The following ARSG variants were observed in gnomAD, a reference collection of about 807,000 sequenced individuals.
ARSG encodes ASG.
Under a neutral mutation model 50.5 loss-of-function variants are expected in ARSG, and 37 were observed. The observed-to-expected ratio is 0.73, with a 90% CI of 0.56 to 0.96. ARSG has a LOEUF of 0.96. Among genes scored for constraint, ARSG ranks in the 50% least tolerant of loss-of-function variants. The probability of loss-of-function intolerance (pLI) is 0.00; values close to 1 mark genes in which losing one functional copy is unlikely to be tolerated. For synonymous variants in ARSG, 225 were observed against 254.6 expected (o/e 0.88, Z 1.11); for missense variants, 629 against 675.3 (o/e 0.93, Z 0.76).
At chr17:68,348,246 G>C (rs754929340) in intron 4 of ARSG, among the ~76,000 whole-genome samples, 1 of 152,174 alleles carries the variant, frequency 6.6e-6, no homozygotes, top group Non-Finnish European at 1.5e-5. Context: ...AATTACTCCA[G>C]AACTTGTTTC....
downstream of ARSG, among the ~76,000 whole-genome samples, chr17:68,425,745 G>C (rs553076024): frequency 2.0e-5 from 3 of 152,134 alleles, no homozygotes; most frequent in Non-Finnish European, 2.9e-5. Context: ...GACAAGTCAC[G>C]TGTTCCTACC....
chr17:68,407,034 G>C (rs2147294437), intron 11 of ARSG, among the ~76,000 whole-genome samples: 1 of 152,294 alleles, frequency 6.6e-6, no homozygotes, highest in East Asian at 1.9e-4. Context: ...TCCATGTTGA[G>C]TTGATTTTTG....
chr17:68,426,047 C>T (rs369622974), downstream of ARSG: 152 of 1,596,166 alleles, frequency 9.5e-5, 1 homozygote, highest in African/African-American at 8.4e-4. Context: ...CAGACTGAGC[C>T]GCCCAGTTAC....
intron 8 of ARSG, chr17:68,379,953 C>A: frequency 1.2e-6 from 1 of 813,258 alleles, no homozygotes; most frequent in Non-Finnish European, 1.5e-6. Flanking sequence ...GAGATACGTA[C>A]AACTGACCTT....
At chr17:68,347,035 A>T in intron 3 of ARSG, 90 bp from the exon 4 acceptor site, 4 of 1,577,754 alleles carry the variant, frequency 2.5e-6, no homozygotes, top group East Asian at 4.5e-5. Flanking sequence ...GGCGAAGCTA[A>T]TGGAGAGCTG....
intron 8 of ARSG, among the ~76,000 whole-genome samples, chr17:68,371,685 C>T (rs537749819): frequency 7.2e-5 from 11 of 152,142 alleles, no homozygotes; most frequent in South Asian, 4.1e-4. Flanking sequence ...CAATGACATA[C>T]GAAAAAGGAT....
intron 11 of ARSG, among the ~76,000 whole-genome samples, chr17:68,410,870 G>A (rs2081967427): frequency 6.6e-6 from 1 of 152,112 alleles, no homozygotes; most frequent in Non-Finnish European, 1.5e-5. Context: ...ATGTGTCGAG[G>A]AATTTATCCA....
At position 68,368,732 on chromosome 17, in the gene ARSG, C is replaced by G. The variant is rs2079674580; in HGVS notation, c.889C>G (p.Leu297Val). The change falls in exon 7 of 12, where the codon CTC (leucine) becomes GTC (valine). Residue 297 changes from leucine (L) to valine (V), a missense_variant. By Grantham distance (32) the Leu-to-Val change is conservative. Transcript: ENST00000621439. The part of the protein sequence containing the change: ...VDHTVKENTF[L>V]WFTGDNGPWA... ...CCACACAGTGAAGGAAAACACATTCCTCTGGTTTACAGGTAAAGTAGTAAA... is the reference window on the plus strand; with the variant it reads ...CCACACAGTGAAGGAAAACACATTCGTCTGGTTTACAGGTAAAGTAGTAAA... 6.2e-7 allele frequency: 1 copy of G among 1,613,268 alleles called. No homozygotes were observed. The highest frequency in any genetic ancestry group is 8.5e-7 in the Non-Finnish European group (1 of 1,179,782).
intron 1 of ARSG, among the ~76,000 whole-genome samples, chr17:68,279,024 A>G (rs1443128856): frequency 5.9e-5 from 9 of 152,332 alleles, no homozygotes; most frequent in African/African-American, 2.2e-4. Flanking sequence ...GGGCCTCCCA[A>G]AAAGAAAGTT....
chr17:68,361,416 G>A (rs2079278491), intron 6 of ARSG, among the ~76,000 whole-genome samples: 1 of 152,120 alleles, frequency 6.6e-6, no homozygotes. Flanking sequence ...CCAGCCTCTA[G>A]AACTGGGAGA....
intron 9 of ARSG, among the ~76,000 whole-genome samples, chr17:68,388,782 G>A (rs976952755): frequency 2.0e-5 from 3 of 151,868 alleles, no homozygotes; most frequent in Admixed American, 6.6e-5. Context: ...AAAATTAGCC[G>A]GGCGTGGTGG....
rs945500215 is a variant in ARSG at position 68,370,370 on chromosome 17, T to C, written c.902-74T>C. On this transcript the variant is annotated intron_variant, in intron 7 of 11. Coordinates refer to ENST00000621439, the MANE Select transcript of ARSG (RefSeq NM_001267727.2). ...TAGTTCCTGCTCTGCGCAAGGGATATAGGGCCAGAGTGGGAGGGTCAGCGA... is the reference window on the plus strand; with the variant it reads ...TAGTTCCTGCTCTGCGCAAGGGATACAGGGCCAGAGTGGGAGGGTCAGCGA... 9 of 1,368,566 alleles carry C rather than the reference T, an allele frequency of 6.6e-6. No individual in the cohort carries two copies. The Admixed American group carries it at 1.6e-4, about 24-fold the overall frequency. 84.8% of individuals were successfully genotyped at this position (1,368,566 alleles called of 1,614,324 possible). A position where few individuals can be genotyped will look rare whatever the true frequency, so the allele number is the denominator to read the frequency against.
At chr17:68,369,579 T>TA (rs1257759705) in intron 7 of ARSG, among the ~76,000 whole-genome samples, 2 of 152,080 alleles carry the variant, frequency 1.3e-5, no homozygotes, top group Non-Finnish European at 2.9e-5. Context: ...AGTAGAGACT[T>TA]ATACTCTCTA....
At chr17:68,369,751 T>C (rs764155075) in intron 7 of ARSG, among the ~76,000 whole-genome samples, 5 of 152,150 alleles carry the variant, frequency 3.3e-5, no homozygotes, top group Non-Finnish European at 5.9e-5. Context: ...ATGATGTATG[T>C]GAAACACTGG....
At chr17:68,272,558 T>C (rs1477265327) in intron 1 of ARSG, 2 of 1,525,994 alleles carry the variant, frequency 1.3e-6, no homozygotes, top group Admixed American at 3.6e-5. Flanking sequence ...ATCCATACTG[T>C]TGGCAAAAGT....
chr17:68,332,981 G>C (rs1331395615), intron 2 of ARSG, among the ~76,000 whole-genome samples: 4 of 152,194 alleles, frequency 2.6e-5, no homozygotes, highest in Non-Finnish European at 5.9e-5. Flanking sequence ...AAAAGTGCCT[G>C]GATTATAGTA....
At position 68,339,484 on chromosome 17, in the gene ARSG, A is replaced by G. The variant is rs370553400; in HGVS notation, c.219-4120A>G. ...CGTATTGCTAGTTTATGTGAACTGCAGGCCAATCAAGGATCACATGTTACA... is the reference window on the plus strand; with the variant it reads ...CGTATTGCTAGTTTATGTGAACTGCGGGCCAATCAAGGATCACATGTTACA... On this transcript the variant is annotated intron_variant, in intron 2 of 11. Coordinates refer to ENST00000621439, the MANE Select transcript of ARSG (RefSeq NM_001267727.2). 9.8e-5 allele frequency among the ~76,000 whole-genome samples: 15 copies of G among 152,340 alleles called. No individual in the cohort carries two copies. The East Asian group carries it at 1.2e-3, about 12-fold the overall frequency.
intron 2 of ARSG, among the ~76,000 whole-genome samples, chr17:68,329,775 A>C (rs1218579101): frequency 1.3e-5 from 2 of 152,246 alleles, no homozygotes; most frequent in East Asian, 1.9e-4. Context: ...CTTGGGCCAC[A>C]TATAAAATAC....
At chr17:68,431,471 A>G in the ARSG span, among the ~76,000 whole-genome samples, 1 of 152,094 alleles carries the variant, frequency 6.6e-6, no homozygotes, top group Admixed American at 6.5e-5. Context: ...GCTCTGCAGC[A>G]GGTCTGACTC....
Sources: allele counts gnomAD v4.1 joint callset (sites outside exome capture counted in the v4.1 genomes callset), GRCh38; gene constraint gnomAD v4.1.1; transcripts MANE v1.5; gene names NCBI Gene and HGNC (gene_info 2026-07-23, HGNC 2026-07-21).